The following SHCBP1L variants were observed in gnomAD, a reference collection of about 807,000 sequenced individuals.
SHCBP1L encodes testicular spindle-associated protein SHCBP1L.
Under a neutral mutation model 62.5 loss-of-function variants are expected in SHCBP1L, and 67 were observed. The ratio of observed to expected loss-of-function variants is 1.07; its 90% CI spans 0.88 to 1.31. The LOEUF (loss-of-function observed/expected upper bound fraction) is 1.31, where lower values mean the gene tolerates loss of function less well. Among genes scored for constraint, SHCBP1L ranks in the 40% most tolerant of loss-of-function variants. The pLI is 0.00. For missense variants in SHCBP1L, 823 were observed against 809.8 expected (o/e 1.02, Z -0.20); for synonymous variants, 284 against 289.4 (o/e 0.98, Z 0.19).
intron 5 of SHCBP1L, among the ~76,000 whole-genome samples, chr1:182,936,966 A>T (rs918479010): frequency 6.6e-6 from 1 of 152,074 alleles, no homozygotes; most frequent in African/African-American, 2.4e-5. Flanking sequence ...AAGTGAGAGG[A>T]TCACTTGAGC....
rs1483114814 is a variant in SHCBP1L, at chr1:182,904,314, C to T, written c.1453G>A (p.Val485Ile). 1.2e-6 allele frequency: 2 copies of T among 1,614,186 alleles called. No individual in the cohort carries two copies. The highest frequency in any genetic ancestry group is 2.2e-5 in the East Asian group (1 of 44,882). ...MHLSLIQQGT[V>I]DGIVVVESGH... ...GACTCCACCACCACGATACCATCAA[C>T]CGTCCCTTGTTGTATCAAAGATAGA... is the stretch of plus-strand genomic sequence containing the variant. Residue 485 changes from valine (V) to isoleucine (I), a missense_variant, in exon 8 of 10, where the codon GTT becomes ATT. Transcript: ENST00000367547.
intron 6 of SHCBP1L, among the ~76,000 whole-genome samples, chr1:182,923,719 G>A (rs1393092844): frequency 6.6e-6 from 1 of 152,018 alleles, no homozygotes; most frequent in Non-Finnish European, 1.5e-5. Context: ...AACAAGCTAG[G>A]CACTTAAGGA....
chr1:182,927,723 A>T (rs1183658326), intron 6 of SHCBP1L, among the ~76,000 whole-genome samples: 1 of 151,940 alleles, frequency 6.6e-6, no homozygotes, highest in East Asian at 1.9e-4. Flanking sequence ...CTATCAAGCT[A>T]TATTTCATGA....
At chr1:182,942,395 T>C (rs915393306) in intron 2 of SHCBP1L, 1 of 727,778 alleles carries the variant, frequency 1.4e-6, no homozygotes, top group Non-Finnish European at 2.6e-6. Flanking sequence ...GACCTTCCTC[T>C]TGGGTATCCT....
At chr1:182,949,272 C>T (rs1250481262) in intron 2 of SHCBP1L, among the ~76,000 whole-genome samples, 1 of 139,918 alleles carries the variant, frequency 7.1e-6, no homozygotes, top group East Asian at 2.0e-4. Context: ...AACCCACAAA[C>T]TTATACTAAA....
intron 5 of SHCBP1L, among the ~76,000 whole-genome samples, chr1:182,936,470 G>C (rs960345207): frequency 4.0e-5 from 6 of 151,788 alleles, no homozygotes; most frequent in Admixed American, 6.6e-5. Flanking sequence ...ATTTTATTTT[G>C]TTCCATTGTA....
chr1:182,900,678 G>C (rs920901251), intron 9 of SHCBP1L, among the ~76,000 whole-genome samples: 1 of 152,094 alleles, frequency 6.6e-6, no homozygotes, highest in Non-Finnish European at 1.5e-5. Context: ...TGATCCACCC[G>C]CCTTGGCTTC....
intron 6 of SHCBP1L, among the ~76,000 whole-genome samples, chr1:182,927,269 A>G (rs1030476880): frequency 6.6e-6 from 1 of 151,774 alleles, no homozygotes; most frequent in Non-Finnish European, 1.5e-5. Flanking sequence ...CACTGCTTGT[A>G]AAGATCACCA....
chr1:182,952,371 T>C (rs1651803436), intron 1 of SHCBP1L: 1 of 199,130 alleles, frequency 5.0e-6, no homozygotes, highest in African/African-American at 2.3e-5. Flanking sequence ...CAAGGCTAAG[T>C]GATCTTACTC....
intron 5 of SHCBP1L, among the ~76,000 whole-genome samples, chr1:182,930,492 A>C (rs1650932608): frequency 7.1e-6 from 1 of 140,012 alleles, no homozygotes; most frequent in Non-Finnish European, 1.5e-5. Context: ...AATCTTTTGC[A>C]TTCTCTGCTG....
At chr1:182,907,891 A>C (rs1650066292) in intron 6 of SHCBP1L, among the ~76,000 whole-genome samples, 1 of 152,204 alleles carries the variant, frequency 6.6e-6, no homozygotes, top group South Asian at 2.1e-4. Context: ...TTTTTATTAT[A>C]AAAGTGATAC....
chr1:182,945,547 G>A (rs993049457), intron 2 of SHCBP1L, among the ~76,000 whole-genome samples: 4 of 151,986 alleles, frequency 2.6e-5, no homozygotes, highest in Non-Finnish European at 2.9e-5. Flanking sequence ...TGATGTCTTC[G>A]TATTTCTTGA....
chr1:182,905,972 T>C (rs1023414797), intron 6 of SHCBP1L, among the ~76,000 whole-genome samples: 10 of 152,178 alleles, frequency 6.6e-5, no homozygotes, highest in African/African-American at 2.4e-4. Context: ...TTTCGCTCTG[T>C]CGCCCAGGCT....
At position 182,953,054 on chromosome 1, in the gene SHCBP1L, G is replaced by A. The variant is rs1571365479; in HGVS notation, c.80C>T (p.Ala27Val). The change falls in exon 1 of 10, where the codon GCC becomes GTC. Residue 27 changes from alanine (A) to valine (V), a missense_variant. Transcript: ENST00000367547. ...ISPDRRGEKSASAVSGDTAAA... is the reference protein window; with the variant it reads ...ISPDRRGEKSVSAVSGDTAAA... ...CGCCGTGTCCCCGGAGACAGCGGAG[G>A]CGGACTTCTCGCCTCGCCTGTCCGG... is the stretch of plus-strand genomic sequence containing the variant. 6.5e-7 allele frequency: 1 copy of A among 1,547,002 alleles called. No individual in the cohort carries two copies. The highest frequency in any genetic ancestry group is 2.4e-5 in the East Asian group (1 of 41,764).
chr1:182,929,581 G>A, intron 6 of SHCBP1L, 66 bp downstream of exon 6: 1 of 1,018,452 alleles, frequency 9.8e-7, no homozygotes, highest in Non-Finnish European at 1.4e-6. Context: ...CCACCCTCAG[G>A]GAGCTTCTTT....
At chr1:182,903,018 C>T (rs1199737770) in intron 9 of SHCBP1L, 21 bp downstream of exon 9, 2 of 1,549,714 alleles carry the variant, frequency 1.3e-6, no homozygotes, top group Non-Finnish European at 1.7e-6. Flanking sequence ...AACAATGCTA[C>T]ATCAAGAAAT....
In SHCBP1L at chr1:182,953,049, C is replaced by T; in HGVS notation, c.85G>A (p.Ala29Thr). Residue 29 changes from alanine (A) to threonine (T), a missense_variant, in exon 1 of 10, where the codon GCT (alanine) becomes ACT (threonine). Physicochemically the swap from Ala to Thr is moderately conservative, Grantham distance 58. Transcript: ENST00000367547. ...PDRRGEKSAS[A>T]VSGDTAAATT... The stretch of plus-strand genomic sequence containing the variant: ...GCGGCCGCCGTGTCCCCGGAGACAG[C>T]GGAGGCGGACTTCTCGCCTCGCCTG... 1 of 1,545,910 alleles carries T rather than the reference C, an allele frequency of 6.5e-7. No homozygotes were observed.
chr1:182,909,671 G>A (rs1650118728), intron 6 of SHCBP1L, among the ~76,000 whole-genome samples: 1 of 152,162 alleles, frequency 6.6e-6, no homozygotes, highest in Admixed American at 6.5e-5. Context: ...TGTATATATG[G>A]GTTCTGCAGG....
intron 6 of SHCBP1L, among the ~76,000 whole-genome samples, chr1:182,924,974 GAAAA>G (rs772984933): frequency 6.4e-5 from 7 of 109,576 alleles, no homozygotes; most frequent in South Asian, 3.0e-4. Flanking sequence ...AAGAAAGAAA[GAAAA>G]AAAAAGGAAG....
Sources: allele counts gnomAD v4.1 joint callset (sites outside exome capture counted in the v4.1 genomes callset), GRCh38; gene constraint gnomAD v4.1.1; transcripts MANE v1.5; gene names NCBI Gene and HGNC (gene_info 2026-07-23, HGNC 2026-07-21).